The following PCDH11Y variants were observed in gnomAD, a reference collection of about 807,000 sequenced individuals.
PCDH11Y encodes the protein protocadherin-11 Y-linked.
For missense variants in PCDH11Y, 12 were observed against 224.8 expected, an observed-to-expected ratio of 0.05 and a Z score of 6.05; for synonymous variants, 9 against 83.6, an observed-to-expected ratio of 0.11 and a Z score of 4.87.
At chrY:5,065,986 GT>G (rs2052686330) in intron 1 of PCDH11Y, among the ~76,000 whole-genome samples, 10 of 26,427 alleles carry the variant, frequency 3.8e-4, no homozygotes, top group Admixed American at 1.1e-3. Context: ...AATCACGACT[GT>G]TTTTTTTTTC....
At chrY:5,275,895 T>A in intron 2 of PCDH11Y, among the ~76,000 whole-genome samples, 1 of 33,551 alleles carries the variant, frequency 3.0e-5, no homozygotes, top group Non-Finnish European at 7.4e-5. Context: ...TGATTCAATT[T>A]ATTTTTAAAC....
chrY:5,495,477 CTAAAG>C (rs2053343516), intron 2 of PCDH11Y, among the ~76,000 whole-genome samples: 1 of 33,691 alleles, frequency 3.0e-5, no homozygotes, highest in African/African-American at 1.2e-4. Flanking sequence ...ACTTGGAATC[CTAAAG>C]TATTCTTAAT....
At chrY:5,501,753 T>C (rs2124688178) in intron 3 of PCDH11Y, among the ~76,000 whole-genome samples, 1 of 28,350 alleles carries the variant, frequency 3.5e-5, no homozygotes, top group African/African-American at 1.4e-4. Flanking sequence ...ACCTGTGCCA[T>C]GTTACTGTTT....
intron 2 of PCDH11Y, among the ~76,000 whole-genome samples, chrY:5,459,821 T>TC (rs2053301709): frequency 6.1e-5 from 2 of 32,993 alleles, no homozygotes; most frequent in Non-Finnish European, 1.5e-4. Flanking sequence ...TTATTTTTTT[T>TC]CCTCCCCGCA....
intron 2 of PCDH11Y, among the ~76,000 whole-genome samples, chrY:5,383,951 C>G: frequency 3.0e-5 from 1 of 33,202 alleles, no homozygotes; most frequent in Non-Finnish European, 7.4e-5. Context: ...GCAAACTACA[C>G]TTGCTTTATT....
intron 2 of PCDH11Y, among the ~76,000 whole-genome samples, chrY:5,469,658 A>G: frequency 2.9e-5 from 1 of 34,223 alleles, no homozygotes; most frequent in Non-Finnish European, 7.4e-5. Flanking sequence ...TGAAATGTCT[A>G]TAAGCAAACA....
intron 2 of PCDH11Y, among the ~76,000 whole-genome samples, chrY:5,328,021 G>A: frequency 3.0e-5 from 1 of 33,303 alleles, no homozygotes; most frequent in Non-Finnish European, 7.4e-5. Context: ...GATGGTCTAC[G>A]GGGCTTCTGA....
At chrY:5,275,352 T>A (rs1602898162) in intron 2 of PCDH11Y, among the ~76,000 whole-genome samples, 2 of 31,787 alleles carry the variant, frequency 6.3e-5, no homozygotes, top group East Asian at 8.2e-4. Flanking sequence ...TAAAACTAAA[T>A]GTTCCAATGC....
chrY:5,208,343 A>G, intron 2 of PCDH11Y, among the ~76,000 whole-genome samples: 1 of 32,700 alleles, frequency 3.1e-5, no homozygotes, highest in African/African-American at 1.2e-4. Context: ...AACCATATCA[A>G]CCACCAATAA....
chrY:5,716,704 A>G (rs2124713588), intron 4 of PCDH11Y, among the ~76,000 whole-genome samples: 17 of 33,461 alleles, frequency 5.1e-4, no homozygotes, highest in African/African-American at 2.0e-3. Flanking sequence ...AATACCAATG[A>G]CATTCTTTAT....
chrY:5,235,443 G>T, intron 2 of PCDH11Y, among the ~76,000 whole-genome samples: 1 of 32,001 alleles, frequency 3.1e-5, no homozygotes, highest in Admixed American at 2.9e-4. Flanking sequence ...GTAATACCCA[G>T]AATCTATTAT....
chrY:5,479,818 G>A, intron 2 of PCDH11Y, among the ~76,000 whole-genome samples: 2 of 32,533 alleles, frequency 6.1e-5, no homozygotes, highest in South Asian at 6.8e-4. Context: ...CCACTTTATC[G>A]CTTGGCTATT....
At chrY:5,125,442 C>A (rs2052823997) in intron 2 of PCDH11Y, among the ~76,000 whole-genome samples, 1 of 32,843 alleles carries the variant, frequency 3.0e-5, no homozygotes, top group Admixed American at 2.8e-4. Flanking sequence ...GCTTAAAATC[C>A]TTCATTGGAT....
intron 2 of PCDH11Y, among the ~76,000 whole-genome samples, chrY:5,454,587 C>A: frequency 3.0e-5 from 1 of 33,829 alleles, no homozygotes; most frequent in Non-Finnish European, 7.4e-5. Flanking sequence ...ATTCATACAT[C>A]CTCTGAAATC....
At chrY:5,231,420 A>G (rs2052967713) in intron 2 of PCDH11Y, among the ~76,000 whole-genome samples, 1 of 33,384 alleles carries the variant, frequency 3.0e-5, no homozygotes, top group African/African-American at 1.2e-4. Flanking sequence ...ATGGTATTAA[A>G]CAAGATCCAA....
intron 4 of PCDH11Y, among the ~76,000 whole-genome samples, chrY:5,652,544 T>A (rs2124706287): frequency 3.1e-5 from 1 of 32,755 alleles, no homozygotes; most frequent in South Asian, 6.9e-4. Flanking sequence ...AAAAAAAATG[T>A]CCTACTTAAC....
chrY:5,567,756 ATATG>A lies in PCDH11Y; in HGVS notation c.3329-14015_3329-14012del, dbSNP rs2053436557. ...ATATGTAAAATATATATGTATCTAA[ATATG>A]TATCTATCTAAATACATATATATAC... On this transcript the variant is annotated intron_variant, in intron 3 of 4. Coordinates refer to the PCDH11Y transcript ENST00000400457. Among the ~76,000 whole-genome samples, 9 of 30,155 alleles carry A rather than the reference ATATG, an allele frequency of 3.0e-4. No homozygotes were observed. In the South Asian group the frequency reaches 6.4e-3, roughly 21 times the overall value. The allele number at this position is 30,155 out of a possible 37,273, so 80.9% of individuals were successfully genotyped here.
intron 2 of PCDH11Y, among the ~76,000 whole-genome samples, chrY:5,486,387 T>C: frequency 6.3e-5 from 2 of 31,740 alleles, no homozygotes; most frequent in Non-Finnish European, 7.6e-5. Context: ...TTTATCCATA[T>C]TTAAATTGTG....
At chrY:5,704,403 G>A in intron 4 of PCDH11Y, among the ~76,000 whole-genome samples, 1 of 31,294 alleles carries the variant, frequency 3.2e-5, no homozygotes, top group Non-Finnish European at 7.7e-5. Context: ...AAATTCAAAA[G>A]CCAAATGTAA....
Sources: allele counts gnomAD v4.1 joint callset (sites outside exome capture counted in the v4.1 genomes callset), GRCh38; gene constraint gnomAD v4.1.1; transcripts MANE v1.5; gene names NCBI Gene and HGNC (gene_info 2026-07-23, HGNC 2026-07-21).